The following MAP2K2 variants were observed in gnomAD, a reference collection of about 807,000 sequenced individuals.
MAP2K2 encodes mitogen-activated protein kinase kinase 2, also known as dual specificity mitogen-activated protein kinase kinase 2.
In MAP2K2, 24 loss-of-function variants were observed where a neutral mutation model predicts 43.7. The ratio of observed to expected loss-of-function variants is 0.55; its 90% CI spans 0.40 to 0.77. The LOEUF is 0.77. Among genes scored for constraint, MAP2K2 ranks in the 30% least tolerant of loss-of-function variants. The pLI, the probability that MAP2K2 is intolerant of heterozygous loss-of-function variation, is 0.00. For synonymous variants in MAP2K2, 244 were observed against 239.7 expected (o/e 1.02, Z -0.17); for missense variants, 470 against 566.8 (o/e 0.83, Z 1.73).
rs748135585 is a variant in MAP2K2, at chr19:4,102,427, C to T, written c.477G>A (p.Leu159=). 7.5e-6 allele frequency: 12 copies of T among 1,606,204 alleles called. No individual in the cohort carries two copies. In the Admixed American group the frequency reaches 1.9e-4, roughly 25 times the overall value. The change falls in exon 4 of 11, where the codon CTG becomes CTA. Residue 159 remains leucine (L), a synonymous_variant. Coordinates refer to ENST00000262948, the MANE Select transcript of MAP2K2 (RefSeq NM_030662.4). The stretch of plus-strand genomic sequence containing the variant: ...CCTCGGGAATCCTCTTGGCCTCTTT[C>T]AGCACCTGGTCCAGGGAGCCGCCGT... ...HMDGGSLDQV[L]KEAKRIPEEI...
intron 3 of MAP2K2, among the ~76,000 whole-genome samples, chr19:4,110,277 A>G (rs927487117): frequency 6.6e-6 from 1 of 152,148 alleles, no homozygotes. Flanking sequence ...ACTAGATTCT[A>G]GCCTGAGTGA....
chr19:4,102,299 T>G (rs2041023827), intron 4 of MAP2K2, 77 bp downstream of exon 4: 2 of 1,297,746 alleles, frequency 1.5e-6, no homozygotes, highest in Non-Finnish European at 2.2e-6. Flanking sequence ...TGTGAGTGGC[T>G]CCCGGAACCC....
Position 4,123,684 on chromosome 19 carries a change from T to A in MAP2K2, c.92+100A>T. ...CGTCCTCCCCCGTGACCCCCCTGCC[T>A]CGTGCACTCCTCGCGAACCCCCGTC... On this transcript the variant is annotated intron_variant, in intron 1 of 10. Coordinates refer to ENST00000262948, the MANE Select transcript of MAP2K2 (RefSeq NM_030662.4). 3.4e-5 allele frequency: 12 copies of A among 349,086 alleles called. No individual in the cohort carries two copies. In the East Asian group the frequency reaches 6.7e-4, roughly 20 times the overall value. 21.6% of individuals were successfully genotyped at this position (349,086 alleles called of 1,614,324 possible). A position where few individuals can be genotyped will look rare whatever the true frequency, so the allele number is the denominator to read the frequency against.
rs539119284 is a variant in MAP2K2, at chr19:4,101,376, C to T, written c.529-96G>A. On this transcript the variant is annotated intron_variant, in intron 4 of 10. Transcript: ENST00000262948. The surrounding 1 kb of genome is among the most constrained non-coding windows in gnomAD (Gnocchi z 6.3). ...CAGAGCTGAGCAGTCAGAGCTGGAG[C>T]GAGGGAGCTGCGGCAGGAACCATTT... The T allele has an allele frequency of 1.1e-4, 154 of 1,361,986 alleles. No individual in the cohort carries two copies. The highest frequency in any genetic ancestry group is 2.0e-4 in the South Asian group (16 of 80,366). The allele number at this position is 1,361,986 out of a possible 1,614,324, so 84.4% of individuals were successfully genotyped here.
Position 4,101,219 on chromosome 19 carries a change from T to C in MAP2K2, c.580+10A>G. The C allele has an allele frequency of 1.4e-6, 2 of 1,409,414 alleles. No homozygotes were observed. Among genetic ancestry groups the C allele is most frequent in the South Asian group, 1.2e-5 (1 of 84,216 alleles). The allele number at this position is 1,409,414 out of a possible 1,614,324, so 87.3% of individuals were successfully genotyped here. ...CCCCGGGGCTCTGGGGAGGGCGGGCTGGGCCTTACCTCGGTGCATGATCTG... is the reference window on the plus strand; with the variant it reads ...CCCCGGGGCTCTGGGGAGGGCGGGCCGGGCCTTACCTCGGTGCATGATCTG... On this transcript the variant is annotated intron_variant, in intron 5 of 10. Transcript: ENST00000262948. The surrounding 1 kb of genome is among the most constrained non-coding windows in gnomAD (Gnocchi z 6.3).
chr19:4,102,250 A>G, intron 4 of MAP2K2, 126 bp downstream of exon 4: 2 of 814,822 alleles, frequency 2.5e-6, no homozygotes, highest in Non-Finnish European at 4.1e-6. Context: ...AGCCTTGGCC[A>G]CTCTCTTTCT....
At chr19:4,119,326 A>G (rs141751213) in intron 1 of MAP2K2, among the ~76,000 whole-genome samples, 370 of 152,124 alleles carry the variant, frequency 2.4e-3, no homozygotes, top group African/African-American at 8.5e-3. Context: ...GGTTCAAGCA[A>G]TTCTCCTGCC....
rs373352091 is a variant in MAP2K2 at position 4,110,674 on chromosome 19, G to A, written c.304-19C>T. On this transcript the variant is annotated intron_variant, in intron 2 of 10. Transcript: ENST00000262948. ...GGATCAGCTGCAAGGGGAGAGGGGC[G>A]AGACTGGCTTGGGGGGTGCCCGAAA... 20 of 1,608,918 alleles carry A rather than the reference G, an allele frequency of 1.2e-5. No homozygotes were observed. The highest frequency in any genetic ancestry group is 6.8e-6 in the Non-Finnish European group (8 of 1,178,452).
intron 3 of MAP2K2, among the ~76,000 whole-genome samples, chr19:4,107,392 C>T (rs937949728): frequency 2.0e-5 from 3 of 151,818 alleles, no homozygotes; most frequent in South Asian, 4.2e-4. Flanking sequence ...GCTGTGGTGG[C>T]GGGCGCCTGT....
intron 3 of MAP2K2, chr19:4,103,098 G>A (rs1436883899): frequency 9.9e-7 from 1 of 1,014,278 alleles, no homozygotes; most frequent in Non-Finnish European, 1.2e-6. Context: ...CAGGGGCCAG[G>A]GGGTGCATGG....
chr19:4,097,973 G>A (rs2040944998), intron 7 of MAP2K2, among the ~76,000 whole-genome samples: 1 of 152,192 alleles, frequency 6.6e-6, no homozygotes, highest in Non-Finnish European at 1.5e-5. Flanking sequence ...TCCCTGGGAT[G>A]AGATCAAGAC....
chr19:4,090,382 C>T lies in MAP2K2; in HGVS notation c.*216G>A, dbSNP rs2040843062. On this transcript the variant is annotated 3_prime_UTR_variant, in exon 11 of 11. Transcript: ENST00000262948. Reference sequence around the variant, plus strand: ...AGGAAGCAGAGCCTCTGAGACCACACACAGCAGCGTCGCCCGTCCCCAGAG... The same window carrying T: ...AGGAAGCAGAGCCTCTGAGACCACATACAGCAGCGTCGCCCGTCCCCAGAG... The T allele has an allele frequency of 3.3e-6, 2 of 609,652 alleles. No homozygotes were observed. The highest frequency in any genetic ancestry group is 3.8e-5 in the South Asian group (2 of 52,592). The allele number at this position is 609,652 out of a possible 1,614,324, so 37.8% of individuals were successfully genotyped here. A position where few individuals can be genotyped will look rare whatever the true frequency, so the allele number is the denominator to read the frequency against.
At chr19:4,106,442 T>C (rs1030815881) in intron 3 of MAP2K2, among the ~76,000 whole-genome samples, 2 of 152,208 alleles carry the variant, frequency 1.3e-5, no homozygotes, top group Non-Finnish European at 1.5e-5. Flanking sequence ...AATGGAGTCT[T>C]GCTGTCGCCA....
intron 6 of MAP2K2, chr19:4,100,428 T>TGAAA (rs1568253174): frequency 0.03 from 639 of 21,500 alleles, 27 homozygotes; most frequent in African/African-American, 0.14. Flanking sequence ...AGACTCTGTC[T>TGAAA]CAAAAAAAAA....
intron 2 of MAP2K2, among the ~76,000 whole-genome samples, chr19:4,114,729 C>G (rs2041199530): frequency 6.6e-6 from 1 of 152,018 alleles, no homozygotes; most frequent in Non-Finnish European, 1.5e-5. Flanking sequence ...TGCATGGATT[C>G]CTTGAGGTCA....
At chr19:4,120,749 C>G (rs1313104054) in intron 1 of MAP2K2, among the ~76,000 whole-genome samples, 1 of 152,184 alleles carries the variant, frequency 6.6e-6, no homozygotes, top group African/African-American at 2.4e-5. Flanking sequence ...TTAAACAAAA[C>G]AAAACAAAAC....
intron 3 of MAP2K2, among the ~76,000 whole-genome samples, chr19:4,105,196 G>GTGTGTA (rs2041070233): frequency 8.8e-6 from 1 of 114,130 alleles, no homozygotes; most frequent in African/African-American, 2.7e-5. Context: ...GTGTGTGTGT[G>GTGTGTA]TGTGTGTGAT....
chr19:4,096,306 G>A lies in MAP2K2; in HGVS notation c.985-857C>T, dbSNP rs138684171. Among the ~76,000 whole-genome samples the A allele has an allele frequency of 9.1e-3, 1,385 of 152,290 alleles. 4 individuals are homozygous for A. The highest frequency in any genetic ancestry group is 0.024 in the Middle Eastern group (7 of 294). The stretch of plus-strand genomic sequence containing the variant: ...CACCAGGGCCACCCCACCTGGCTCC[G>A]TCATCATCTCGCCACCCAACCCCAG... On this transcript the variant is annotated intron_variant, in intron 8 of 10. Transcript: ENST00000262948.
intron 1 of MAP2K2, 90 bp from the exon 2 acceptor site, chr19:4,117,719 A>AATCCAGTCTGTGTCCTCCTGG: frequency 8.6e-7 from 1 of 1,156,872 alleles, no homozygotes. Flanking sequence ...GGCCCCCAGG[A>AATCCAGTCTGTGTCCTCCTGG]GGACACAGAC....
Sources: gnomAD v4.1 joint callset for allele counts (sites outside exome capture counted in the v4.1 genomes callset) on GRCh38, gnomAD v4.1.1 for gene constraint, Gnocchi (gnomAD v3.1) non-coding constraint, MANE v1.5 for transcripts, NCBI Gene and HGNC (gene_info 2026-07-23, HGNC 2026-07-21) for gene names.